AKAP19: variants seen among roughly 807,000 people sequenced by gnomAD.
AKAP19 encodes A-kinase anchoring protein 19, also known as small A-kinase anchoring protein.
At chr2:189,995,059 G>C in the AKAP19 span, among the ~76,000 whole-genome samples, 1 of 152,172 alleles carries the variant, frequency 6.6e-6, no homozygotes, top group East Asian at 1.9e-4. Context: ...GTCTGTCTTG[G>C]AGAATGTTCC....
the AKAP19 span, among the ~76,000 whole-genome samples, chr2:189,983,025 G>A: frequency 0.083 from 12,650 of 152,112 alleles, 1,485 homozygotes; most frequent in African/African-American, 0.25. Context: ...CCCTGGGTTA[G>A]GCTAATGTTG....
At chr2:189,910,135 A>C in the AKAP19 span, among the ~76,000 whole-genome samples, 3 of 151,066 alleles carry the variant, frequency 2.0e-5, no homozygotes, top group South Asian at 6.3e-4. Flanking sequence ...TGAAATTACT[A>C]AATAAACAAA....
At chr2:190,195,742 G>C in the AKAP19 span, among the ~76,000 whole-genome samples, 7 of 152,074 alleles carry the variant, frequency 4.6e-5, no homozygotes, top group African/African-American at 1.7e-4. Flanking sequence ...GTCTTAAACA[G>C]AGCAGTTTTT....
the AKAP19 span, chr2:190,060,569 T>C: frequency 3.9e-6 from 3 of 765,144 alleles, no homozygotes; most frequent in Non-Finnish European, 6.1e-6. Context: ...AAATACCGTG[T>C]GGAACTTTAT....
the AKAP19 span, among the ~76,000 whole-genome samples, chr2:190,188,090 A>G: frequency 5.9e-5 from 9 of 152,238 alleles, no homozygotes; most frequent in East Asian, 9.6e-4. Flanking sequence ...TAGGAGACAG[A>G]GGGAGAGGGA....
the AKAP19 span, among the ~76,000 whole-genome samples, chr2:190,020,311 G>A: frequency 6.6e-6 from 1 of 152,164 alleles, no homozygotes; most frequent in Non-Finnish European, 1.5e-5. Context: ...GTGATAATGT[G>A]TATCAAATCT....
the AKAP19 span, among the ~76,000 whole-genome samples, chr2:189,880,906 C>A: frequency 6.6e-6 from 1 of 152,066 alleles, no homozygotes. Flanking sequence ...TGGAGCATTT[C>A]GGGCAAGCCA....
the AKAP19 span, among the ~76,000 whole-genome samples, chr2:190,170,092 C>T: frequency 6.6e-6 from 1 of 152,128 alleles, no homozygotes; most frequent in Non-Finnish European, 1.5e-5. Context: ...GATGGGAAGT[C>T]GAGATCATGG....
At chr2:190,144,156 A>G in the AKAP19 span, among the ~76,000 whole-genome samples, 1 of 144,742 alleles carries the variant, frequency 6.9e-6, no homozygotes, top group South Asian at 2.3e-4. Flanking sequence ...ATGTACCCTA[A>G]AACTTAAAGT....
chr2:190,033,077 C>A, the AKAP19 span, among the ~76,000 whole-genome samples: 1 of 152,122 alleles, frequency 6.6e-6, no homozygotes, highest in Admixed American at 6.5e-5. Context: ...GTGAGGAGAA[C>A]AACTTCTTTT....
chr2:190,156,893 T>G, the AKAP19 span, among the ~76,000 whole-genome samples: 1 of 152,142 alleles, frequency 6.6e-6, no homozygotes, highest in Middle Eastern at 3.2e-3. Context: ...TAGGAATCTA[T>G]CCCATGGAAA....
the AKAP19 span, chr2:190,057,627 TA>T: frequency 6.2e-7 from 1 of 1,613,228 alleles, no homozygotes; most frequent in Non-Finnish European, 8.5e-7. Context: ...CCTTGACCTC[TA>T]AAAACGGATT....
the AKAP19 span, among the ~76,000 whole-genome samples, chr2:189,946,467 C>T: frequency 2.0e-5 from 3 of 152,090 alleles, no homozygotes; most frequent in Non-Finnish European, 4.4e-5. Context: ...AAGTTTAGTG[C>T]TTTCCTATGA....
At chr2:189,902,725 A>G in the AKAP19 span, among the ~76,000 whole-genome samples, 1 of 152,002 alleles carries the variant, frequency 6.6e-6, no homozygotes, top group South Asian at 2.1e-4. Context: ...TTAGAACTAT[A>G]TGTAAAAACT....
At chr2:190,089,755 A>G in the AKAP19 span, 4 of 152,198 alleles carry the variant, frequency 2.6e-5, no homozygotes. Context: ...CCGAAAAACC[A>G]CAGGACTCCC....
chr2:189,892,831 A>G, the AKAP19 span, among the ~76,000 whole-genome samples: 1 of 152,214 alleles, frequency 6.6e-6, no homozygotes, highest in East Asian at 1.9e-4. Context: ...AGCTGCACCC[A>G]GAGTCACCCC....
the AKAP19 span, among the ~76,000 whole-genome samples, chr2:190,028,760 G>A: frequency 1.3e-5 from 2 of 152,106 alleles, no homozygotes; most frequent in Non-Finnish European, 2.9e-5. Flanking sequence ...ATCATGAAAG[G>A]TGTTATACCT....
the AKAP19 span, among the ~76,000 whole-genome samples, chr2:190,197,544 C>G: frequency 6.6e-6 from 1 of 152,140 alleles, no homozygotes; most frequent in African/African-American, 2.4e-5. This position sits in a 1 kb window ranked among gnomAD's most constrained non-coding sequence, Gnocchi z 4.0. Flanking sequence ...TTTTAGTAAC[C>G]CTAACCTCTG....
the AKAP19 span, among the ~76,000 whole-genome samples, chr2:189,945,723 T>A: frequency 6.6e-6 from 1 of 152,228 alleles, no homozygotes; most frequent in Admixed American, 6.5e-5. Flanking sequence ...ATCATTGTTT[T>A]AAGTACTTCC....
Sources: allele counts gnomAD v4.1 joint callset (sites outside exome capture counted in the v4.1 genomes callset), GRCh38; gene constraint gnomAD v4.1.1; non-coding constraint Gnocchi (gnomAD v3.1); transcripts MANE v1.5; gene names NCBI Gene and HGNC (gene_info 2026-07-23, HGNC 2026-07-21).